Variants in MTMR6 observed in about 807,000 individuals in gnomAD.
The protein encoded by MTMR6 is myotubularin related protein 6, also known as phosphatidylinositol-3,5-bisphosphate 3-phosphatase MTMR6.
Under a neutral mutation model 80.1 loss-of-function variants are expected in MTMR6, and 47 were observed. The observed-to-expected ratio is 0.59, with a 90% CI of 0.46 to 0.75. The LOEUF (loss-of-function observed/expected upper bound fraction) is 0.75. Among genes scored for constraint, MTMR6 ranks in the 30% least tolerant of loss-of-function variants. The pLI is 0.00. For synonymous variants in MTMR6, 254 were observed against 253.0 expected, an observed-to-expected ratio of 1.00 and a Z score of -0.04; for missense variants, 629 against 730.9, an observed-to-expected ratio of 0.86 and a Z score of 1.61.
intron 10 of MTMR6, 67 bp from the exon 11 acceptor site, chr13:25,254,031 A>G (rs1255851427): frequency 6.8e-7 from 1 of 1,464,628 alleles, no homozygotes; most frequent in African/African-American, 1.4e-5. Context: ...GGTATTGTTA[A>G]TCTTAAACAT....
Position 25,247,207 on chromosome 13 carries a change from A to T in MTMR6, c.*2025T>A, listed in dbSNP as rs1284210592. 3 of 152,476 alleles carry T rather than the reference A, an allele frequency of 2.0e-5. No homozygotes were observed. Among genetic ancestry groups the T allele is most frequent in the Non-Finnish European group, 4.4e-5 (3 of 67,994 alleles). The allele number at this position is 152,476 out of a possible 1,614,324, so 9.4% of individuals were successfully genotyped here. On this transcript the variant is annotated 3_prime_UTR_variant, in exon 14 of 14. Coordinates refer to ENST00000381801, the MANE Select transcript of MTMR6 (RefSeq NM_004685.5). Reference sequence around the variant, plus strand: ...ATGGGCAAGTCTACTTGCCTAGGTGAGAAGAAAAAAAAAACAACTACAACT... The same window carrying T: ...ATGGGCAAGTCTACTTGCCTAGGTGTGAAGAAAAAAAAAACAACTACAACT...
chr13:25,280,100 G>A (rs1438651861), intron 1 of MTMR6, among the ~76,000 whole-genome samples: 5 of 152,084 alleles, frequency 3.3e-5, no homozygotes, highest in Non-Finnish European at 5.9e-5. Context: ...AACTGATAAC[G>A]GAAGGAAGAA....
chr13:25,268,263 C>T (rs1957499001), intron 2 of MTMR6, among the ~76,000 whole-genome samples: 1 of 152,176 alleles, frequency 6.6e-6, no homozygotes, highest in African/African-American at 2.4e-5. Flanking sequence ...CTCACCTGAA[C>T]TACTATAAAC....
rs975171942 is a variant in MTMR6 at position 25,254,052 on chromosome 13, T to C, written c.1146-88A>G. On this transcript the variant is annotated intron_variant, in intron 10 of 13. Coordinates refer to ENST00000381801, the MANE Select transcript of MTMR6 (RefSeq NM_004685.5). ...GTTAATCTTAAACATACAAAAATAT[T>C]CCTAAAGCACTGTTACATTAGCATG... 27 of 1,341,756 alleles carry C rather than the reference T, an allele frequency of 2.0e-5. No homozygotes were observed. The Admixed American group carries it at 6.3e-4, about 31-fold the overall frequency. 83.1% of individuals were successfully genotyped at this position (1,341,756 alleles called of 1,614,324 possible).
chr13:25,263,992 AG>A (rs1957395793), intron 5 of MTMR6, among the ~76,000 whole-genome samples: 1 of 152,234 alleles, frequency 6.6e-6, no homozygotes. Context: ...GCCAAGAAAC[AG>A]GTATTTGAAA....
intron 3 of MTMR6, among the ~76,000 whole-genome samples, chr13:25,266,865 G>C (rs1404917854): frequency 2.0e-5 from 3 of 152,202 alleles, no homozygotes; most frequent in African/African-American, 7.2e-5. Context: ...CACTCTTGCA[G>C]GCAGCAATCC....
At position 25,265,918 on chromosome 13, in the gene MTMR6, A is replaced by T; in HGVS notation, c.492T>A (p.Tyr164Ter). 6.2e-7 allele frequency: 1 copy of T among 1,614,076 alleles called. No individual in the cohort carries two copies. The highest frequency in any genetic ancestry group is 8.5e-7 in the Non-Finnish European group (1 of 1,179,908). ...TTGGTTTGCTTGCTATCCGGGGAAC[A>T]TAAAGTTCTCTGGGGTAAGTTTCAC... The part of the protein sequence containing the change: ...KICETYPREL[Y>*]VPRIASKPII... The change falls in exon 5 of 14, where the codon TAT becomes TAA. Residue 164 changes from tyrosine to a stop codon, truncating the protein, a stop_gained. Transcript: ENST00000381801. LOFTEE classifies it high-confidence loss of function.
rs1436419448 is a variant in MTMR6, at chr13:25,267,869, A to C, written c.214T>G (p.Cys72Gly). Residue 72 changes from cysteine to glycine, a missense_variant, in exon 3 of 14, where the codon TGC becomes GGC. Cys to Gly is a radical substitution (Grantham distance 159, BLOSUM62 -3). Coordinates refer to ENST00000381801, the MANE Select transcript of MTMR6 (RefSeq NM_004685.5). ...AAATGCACAGTTCTGAAGTTCTTGC[A>C]CTGTATCACAAGGGGGCATCCAGAA... ...TTSGCPLVIQ[C>G]KNFRTVHFIV... 6.2e-7 allele frequency: 1 copy of C among 1,613,812 alleles called. No individual in the cohort carries two copies. The highest frequency in any genetic ancestry group is 8.5e-7 in the Non-Finnish European group (1 of 1,179,798).
rs1388562103 is a variant in MTMR6, at chr13:25,267,926, T to C, written c.157A>G (p.Ile53Val). 1.9e-6 allele frequency: 3 copies of C among 1,608,522 alleles called. No individual in the cohort carries two copies. The Admixed American group carries it at 5.1e-5, about 27-fold the overall frequency. ...AAAGCAAGTTTCTCTACTGAGGCAA[T>C]ATGGTGGTGTAATATCTACAGCATG... ...QKETWILHHH[I>V]ASVEKLALTT... is the part of the protein sequence containing the mutation. The change falls in exon 3 of 14, where the codon ATT becomes GTT. Residue 53 changes from isoleucine to valine, a missense_variant. Physicochemically the swap from Ile to Val is conservative, Grantham distance 29. Coordinates refer to ENST00000381801, the MANE Select transcript of MTMR6 (RefSeq NM_004685.5).
chr13:25,275,870 AGGGAGGGGAGGGGAG>A (rs1166091960), intron 1 of MTMR6, among the ~76,000 whole-genome samples: 3 of 33,462 alleles, frequency 9.0e-5, no homozygotes, highest in South Asian at 9.9e-4. Flanking sequence ...TCAAAAAAGA[AGGGAGGGGAGGGGAG>A]GGGAGGGGAG....
intron 1 of MTMR6, among the ~76,000 whole-genome samples, chr13:25,284,382 G>A (rs1430678755): frequency 6.6e-6 from 1 of 152,032 alleles, no homozygotes; most frequent in East Asian, 1.9e-4. Flanking sequence ...CTACCCAACT[G>A]ACAGGGTTAT....
intron 6 of MTMR6, among the ~76,000 whole-genome samples, chr13:25,259,847 G>T (rs1158890617): frequency 6.6e-6 from 1 of 151,818 alleles, no homozygotes; most frequent in East Asian, 1.9e-4. Flanking sequence ...TTTAATAAAA[G>T]ATTATCAAGT....
In MTMR6 at chr13:25,273,957, T is replaced by C. The variant is rs1264476174; in HGVS notation, c.141+114A>G. 51 of 690,786 alleles carry C rather than the reference T, an allele frequency of 7.4e-5. No individual in the cohort carries two copies. The East Asian group carries it at 1.3e-3, about 17-fold the overall frequency. 42.8% of individuals were successfully genotyped at this position (690,786 alleles called of 1,614,324 possible). A position where few individuals can be genotyped will look rare whatever the true frequency, so the allele number is the denominator to read the frequency against. ...GTGATCTGGAGACCAAAAAATATTT[T>C]GGTTGAGATAGGTAACCAATGATTA... On this transcript the variant is annotated intron_variant, in intron 2 of 13. Coordinates refer to ENST00000381801, the MANE Select transcript of MTMR6 (RefSeq NM_004685.5).
intron 2 of MTMR6, among the ~76,000 whole-genome samples, chr13:25,271,535 G>T (rs1306196617): frequency 6.6e-6 from 1 of 152,184 alleles, no homozygotes; most frequent in Non-Finnish European, 1.5e-5. Context: ...TCTATAAAGT[G>T]GAGGTTCTAA....
Position 25,261,651 on chromosome 13 carries a change from G to C in MTMR6, c.726+17C>G. ...AATAATTAAACTAGCAGACTGTACTGTATTTAAAATACATACTTTTGGCCT... is the reference window on the plus strand; with the variant it reads ...AATAATTAAACTAGCAGACTGTACTCTATTTAAAATACATACTTTTGGCCT... On this transcript the variant is annotated intron_variant, in intron 6 of 13. Coordinates refer to ENST00000381801, the MANE Select transcript of MTMR6 (RefSeq NM_004685.5). 1.9e-6 allele frequency: 3 copies of C among 1,598,278 alleles called. No individual in the cohort carries two copies. Among genetic ancestry groups the C allele is most frequent in the South Asian group, 2.3e-5 (2 of 88,728 alleles).
At chr13:25,254,583 C>A in intron 9 of MTMR6, 149 bp from the exon 10 acceptor site, 3 of 620,038 alleles carry the variant, frequency 4.8e-6, no homozygotes, top group East Asian at 3.1e-5. Context: ...CAAAAGAATG[C>A]CAAAACCTTG....
intron 1 of MTMR6, among the ~76,000 whole-genome samples, chr13:25,284,061 C>A (rs1957911034): frequency 6.6e-6 from 1 of 152,082 alleles, no homozygotes; most frequent in Admixed American, 6.6e-5. Context: ...TCTGATAAAT[C>A]TCTGGTTAGC....
chr13:25,260,004 G>C (rs527286018), intron 6 of MTMR6, among the ~76,000 whole-genome samples: 1 of 151,882 alleles, frequency 6.6e-6, no homozygotes, highest in East Asian at 1.9e-4. Context: ...TGGGATTACA[G>C]GCGCCTGCCA....
At chr13:25,252,782 A>G (rs973798949) in intron 11 of MTMR6, among the ~76,000 whole-genome samples, 19 of 152,230 alleles carry the variant, frequency 1.2e-4, no homozygotes, top group African/African-American at 4.6e-4. Flanking sequence ...ATTTTGAATC[A>G]CTGTAACATA....
Sources: gnomAD v4.1 joint callset for allele counts (sites outside exome capture counted in the v4.1 genomes callset) on GRCh38, gnomAD v4.1.1 for gene constraint, MANE v1.5 for transcripts, NCBI Gene and HGNC (gene_info 2026-07-23, HGNC 2026-07-21) for gene names.